RFPL4A: variants seen among roughly 807,000 people sequenced by gnomAD.
RFPL4A encodes the protein ret finger protein like 4A.
Under a neutral mutation model 8.3 loss-of-function variants are expected in RFPL4A, and 4 were observed. The observed-to-expected ratio is 0.48, with a 90% CI of 0.24 to 1.10. RFPL4A has a LOEUF of 1.10. RFPL4A is among the 50% of genes least tolerant of loss of function. The pLI is 0.18. For synonymous variants in RFPL4A, 43 were observed against 136.6 expected (o/e 0.31, Z 4.78); for missense variants, 111 against 358.7 (o/e 0.31, Z 5.58).
upstream of RFPL4A, chr19:55,758,972 G>C (rs1989228960): frequency 6.7e-6 from 1 of 149,768 alleles, no homozygotes; most frequent in Non-Finnish European, 1.5e-5. Flanking sequence ...CTTCCTTTAA[G>C]GTAAAAACCT....
chr19:55,762,520 T>C, intron 2 of RFPL4A, 78 bp from the exon 3 acceptor site: 2 of 1,499,338 alleles, frequency 1.3e-6, no homozygotes, highest in South Asian at 2.7e-5. Flanking sequence ...GAATAATGTG[T>C]TTAAGTGTTT....
chr19:55,759,546 A>AT (rs200637385), intron 1 of RFPL4A, among the ~76,000 whole-genome samples: 8,608 of 143,940 alleles, frequency 0.06, 728 homozygotes, highest in African/African-American at 0.2. Context: ...TTATTTTCTG[A>AT]TTTTTTTTTT....
upstream of RFPL4A, among the ~76,000 whole-genome samples, chr19:55,758,285 C>T (rs1244089247): frequency 6.6e-6 from 1 of 152,310 alleles, no homozygotes; most frequent in African/African-American, 2.4e-5. Context: ...ATCTAGCAAT[C>T]ACTAGAGAAT....
At position 55,761,383 on chromosome 19, in the gene RFPL4A, C is replaced by T. The variant is rs1372535003; in HGVS notation, c.-9-409C>T. ...TAACATGTGAGCAACTTTAAACGTT[C>T]TCAAGCAGATAGTTTACGTTCTCTT... On this transcript the variant is annotated intron_variant, in intron 1 of 2. Transcript: ENST00000434937. Among the ~76,000 whole-genome samples, 2 of 137,558 alleles carry T rather than the reference C, an allele frequency of 1.5e-5. 1 individual carries two copies. Among genetic ancestry groups the T allele is most frequent in the Admixed American group, 1.4e-4 (2 of 14,050 alleles). The allele number at this position is 137,558 out of a possible 152,430, so 90.2% of individuals were successfully genotyped here. A position where few individuals can be genotyped will look rare whatever the true frequency, so the allele number is the denominator to read the frequency against.
At chr19:55,759,733 G>C (rs924674320) in intron 1 of RFPL4A, among the ~76,000 whole-genome samples, 2 of 151,362 alleles carry the variant, frequency 1.3e-5, no homozygotes, top group African/African-American at 4.9e-5. Context: ...CTGTCTGCCA[G>C]GCTGGAGTGC....
chr19:55,761,906 A>G lies in RFPL4A; in HGVS notation c.106A>G (p.Asn36Asp), dbSNP rs540829471. Residue 36 changes from asparagine to aspartate, a missense_variant, in exon 2 of 3, where the codon AAT becomes GAT. Transcript: ENST00000434937. ...CGYACCLQCL[N>D]SLQKEPDGEG... ...ATATGCCTGCTGCCTCCAGTGCCTCAATTCACTCCAGAAGGAGCCCGATGG... is the reference window on the plus strand; with the variant it reads ...ATATGCCTGCTGCCTCCAGTGCCTCGATTCACTCCAGAAGGAGCCCGATGG... The G allele has an allele frequency of 2.0e-6, 3 of 1,508,716 alleles. No individual in the cohort carries two copies. The highest frequency in any genetic ancestry group is 4.9e-5 in the East Asian group (2 of 40,726). The allele number at this position is 1,508,716 out of a possible 1,614,324, so 93.5% of individuals were successfully genotyped here.
In RFPL4A at chr19:55,761,781, T is replaced by TG. The variant is rs1220685450; in HGVS notation, c.-9-11_-9-10insG. 1 of 1,411,836 alleles carries TG rather than the reference T, an allele frequency of 7.1e-7. No homozygotes were observed. Among genetic ancestry groups the TG allele is most frequent in the East Asian group, 2.5e-5 (1 of 40,332 alleles). The allele number at this position is 1,411,836 out of a possible 1,614,324, so 87.5% of individuals were successfully genotyped here. On this transcript the variant is annotated splice_polypyrimidine_tract_variant and intron_variant, in intron 1 of 2. Transcript: ENST00000434937. ...GGAAATTCTAATTCTGTGTTCATTT[T>TG]TTTTCTATAGACATTTGCCATGGCT...
At position 55,762,017 on chromosome 19, in the gene RFPL4A, A is replaced by G. The variant is rs1291590290; in HGVS notation, c.217A>G (p.Ile73Val). 4.0e-6 allele frequency: 6 copies of G among 1,508,280 alleles called. No individual in the cohort carries two copies. Among genetic ancestry groups the G allele is most frequent in the Non-Finnish European group, 5.4e-6 (6 of 1,114,472 alleles). 93.4% of individuals were successfully genotyped at this position (1,508,280 alleles called of 1,614,324 possible). Reference sequence around the variant, plus strand: ...GTACAAGCTGAGGGCGCTGGTTTCCATCATCAAGGAACTAGAGCCCAAGCT... The same window carrying G: ...GTACAAGCTGAGGGCGCTGGTTTCCGTCATCAAGGAACTAGAGCCCAAGCT... ...PKYKLRALVS[I>V]IKELEPKLKS... The change falls in exon 2 of 3, where the codon ATC becomes GTC. Residue 73 changes from isoleucine (I) to valine (V), a missense_variant. Physicochemically the swap from Ile to Val is conservative, Grantham distance 29 (BLOSUM62 3). Coordinates refer to ENST00000434937, the MANE Select transcript of RFPL4A (RefSeq NM_001145014.2).
upstream of RFPL4A, among the ~76,000 whole-genome samples, chr19:55,758,599 C>G (rs1451751227): frequency 2.6e-5 from 4 of 151,408 alleles, no homozygotes; most frequent in Admixed American, 2.6e-4. Flanking sequence ...TGTCTGGAAA[C>G]CGTTTTGGGA....
At chr19:55,757,711 G>T (rs1202985456), upstream of RFPL4A, among the ~76,000 whole-genome samples, 1 of 152,052 alleles carries the variant, frequency 6.6e-6, no homozygotes, top group Non-Finnish European at 1.5e-5. Context: ...ATCCTAAGAC[G>T]CTATTCTCTA....
chr19:55,762,414 T>C (rs1196935123), intron 2 of RFPL4A, among the ~76,000 whole-genome samples, 184 bp from the exon 3 acceptor site: 1 of 151,542 alleles, frequency 6.6e-6, no homozygotes, highest in Admixed American at 6.6e-5. Context: ...ATCATATTCA[T>C]GCAACCTATA....
upstream of RFPL4A, among the ~76,000 whole-genome samples, chr19:55,757,566 G>A (rs1403609175): frequency 2.0e-5 from 3 of 151,914 alleles, no homozygotes; most frequent in Non-Finnish European, 4.4e-5. Flanking sequence ...GTACTGAACT[G>A]TACATGAGAG....
intron 1 of RFPL4A, among the ~76,000 whole-genome samples, chr19:55,760,316 C>T (rs1250989398): frequency 1.3e-5 from 2 of 151,438 alleles, no homozygotes; most frequent in Non-Finnish European, 2.9e-5. Context: ...GACCCCAGTC[C>T]CAGCCAGTTT....
In RFPL4A at chr19:55,763,146, A is replaced by G. The variant is rs1286492691; in HGVS notation, c.835A>G (p.Ser279Gly). 176 of 1,536,786 alleles carry G rather than the reference A, an allele frequency of 1.1e-4. 2 individuals carry two copies. Among genetic ancestry groups the G allele is most frequent in the Non-Finnish European group, 1.5e-4 (167 of 1,144,022 alleles). ...TTCTGTGATCAATCCATCCGCTGCC[A>G]GTGCCCCAGTTTCTTCTGAGGGAAA... ...ICSVINPSAA[S>G]APVSSEGK Residue 279 changes from serine (S) to glycine (G), a missense_variant, in exon 3 of 3, where the codon AGT becomes GGT. Physicochemically the swap from Ser to Gly is moderately conservative, Grantham distance 56. Coordinates refer to ENST00000434937, the MANE Select transcript of RFPL4A (RefSeq NM_001145014.2).
chr19:55,760,188 A>G (rs142949260), intron 1 of RFPL4A, among the ~76,000 whole-genome samples: 4,152 of 151,684 alleles, frequency 0.027, 132 homozygotes, highest in Middle Eastern at 0.071. Context: ...CTTTCTCCAC[A>G]TCCTTACCAA....
chr19:55,760,826 C>A (rs1050679522), intron 1 of RFPL4A, among the ~76,000 whole-genome samples: 6 of 151,386 alleles, frequency 4.0e-5, no homozygotes, highest in Non-Finnish European at 8.8e-5. Context: ...CTCTTGTGAC[C>A]ACACAGTATT....
chr19:55,758,134 G>A (rs1178992435), upstream of RFPL4A, among the ~76,000 whole-genome samples: 480 of 146,082 alleles, frequency 3.3e-3, no homozygotes, highest in Middle Eastern at 7.1e-3. Context: ...TATATTATAG[G>A]TCCCAATCAA....
chr19:55,757,740 C>T (rs1365575724), upstream of RFPL4A, among the ~76,000 whole-genome samples: 3 of 152,060 alleles, frequency 2.0e-5, no homozygotes, highest in Non-Finnish European at 4.4e-5. Flanking sequence ...CGGAAGAACT[C>T]CTCTCCCAAG....
At chr19:55,757,919 G>T (rs1423866476), upstream of RFPL4A, among the ~76,000 whole-genome samples, 3 of 152,066 alleles carry the variant, frequency 2.0e-5, no homozygotes, top group Non-Finnish European at 2.9e-5. Context: ...ATTAAAAGAT[G>T]TGAGGGATCA....
Sources: allele counts gnomAD v4.1 joint callset (sites outside exome capture counted in the v4.1 genomes callset), GRCh38; gene constraint gnomAD v4.1.1; transcripts MANE v1.5; gene names NCBI Gene and HGNC (gene_info 2026-07-23, HGNC 2026-07-21).